STX18: variants seen among roughly 807,000 people sequenced by gnomAD.
STX18 encodes the protein syntaxin 18, also known as syntaxin-18.
A neutral mutation model predicts 50.1 loss-of-function variants in STX18; 40 were observed. The ratio of observed to expected loss-of-function variants is 0.80; its 90% CI spans 0.62 to 1.04. The LOEUF (loss-of-function observed/expected upper bound fraction) is 1.04, where lower values mean the gene tolerates loss of function less well. STX18 is among the 50% of genes least tolerant of loss of function. STX18 has a pLI of 0.00. For missense variants in STX18, 410 were observed against 415.8 expected, an observed-to-expected ratio of 0.99 and a Z score of 0.12; for synonymous variants, 158 against 151.8, an observed-to-expected ratio of 1.04 and a Z score of -0.30.
At chr4:4,471,773 T>A in intron 1 of STX18, 67 bp from the exon 2 acceptor site, 1 of 1,170,708 alleles carries the variant, frequency 8.5e-7, no homozygotes, top group Non-Finnish European at 1.2e-6. Flanking sequence ...AATTTTAAAT[T>A]AATAGAGAAT....
chr4:4,515,899 C>T (rs942560168), intron 1 of STX18, among the ~76,000 whole-genome samples: 2 of 151,962 alleles, frequency 1.3e-5, no homozygotes, highest in Non-Finnish European at 2.9e-5. Context: ...GTAAGTATTC[C>T]GAAAACAGCA....
intron 2 of STX18, chr4:4,462,060 C>G: frequency 2.2e-6 from 1 of 445,820 alleles, no homozygotes. Context: ...GGCCACCCGC[C>G]TGCAAACCAA....
intron 8 of STX18, among the ~76,000 whole-genome samples, chr4:4,424,514 G>T (rs1367625604): frequency 1.3e-5 from 2 of 152,154 alleles, no homozygotes; most frequent in Admixed American, 6.5e-5. Flanking sequence ...CATCTCTGAG[G>T]GCAGAAGGCG....
chr4:4,421,324 C>T (rs908619748), intron 9 of STX18, among the ~76,000 whole-genome samples: 5 of 146,514 alleles, frequency 3.4e-5, no homozygotes, highest in African/African-American at 7.5e-5. Context: ...AGGACTGAGA[C>T]TTTTTTTTTT....
chr4:4,510,541 T>C (rs1286923857), intron 1 of STX18, among the ~76,000 whole-genome samples: 1 of 152,222 alleles, frequency 6.6e-6, no homozygotes. Context: ...AGGAACGTTT[T>C]TACACTGTTG....
At chr4:4,540,135 T>C (rs770914487) in intron 1 of STX18, among the ~76,000 whole-genome samples, 1 of 152,078 alleles carries the variant, frequency 6.6e-6, no homozygotes, top group African/African-American at 2.4e-5. Context: ...AGGACCAAGG[T>C]AGTTTTTTAA....
intron 1 of STX18, among the ~76,000 whole-genome samples, chr4:4,491,429 AT>A (rs917233319): frequency 6.6e-6 from 1 of 152,166 alleles, no homozygotes; most frequent in African/African-American, 2.4e-5. Flanking sequence ...AAGGATATAT[AT>A]TAATTTCATT....
chr4:4,457,438 C>T lies in STX18; in HGVS notation c.415G>A (p.Glu139Lys). The T allele has an allele frequency of 6.2e-7, 1 of 1,613,578 alleles. No individual in the cohort carries two copies. The highest frequency in any genetic ancestry group is 8.5e-7 in the Non-Finnish European group (1 of 1,179,688). Residue 139 changes from glutamate (E) to lysine (K), a missense_variant, in exon 4 of 11, where the codon GAA (glutamate) becomes AAA (lysine). By Grantham distance (56) the Glu-to-Lys change is moderately conservative. Transcript: ENST00000306200. ...AATGAAATACTTTTCAAGTAATCTTCAATGAAATCCAAAACAGCGGTCCTG... is the reference window on the plus strand; with the variant it reads ...AATGAAATACTTTTCAAGTAATCTTTAATGAAATCCAAAACAGCGGTCCTG... ...EHRTAVLDFIEDYLKRVCKLY... is the reference protein window; with the variant it reads ...EHRTAVLDFIKDYLKRVCKLY...
At chr4:4,459,593 G>A (rs771592967) in intron 2 of STX18, 106 bp from the exon 3 acceptor site, 1 of 790,328 alleles carries the variant, frequency 1.3e-6, no homozygotes, top group South Asian at 1.6e-5. Flanking sequence ...TGACATTTAA[G>A]CTGAGACTTG....
At chr4:4,471,000 T>A (rs1727883397) in intron 2 of STX18, among the ~76,000 whole-genome samples, 1 of 152,138 alleles carries the variant, frequency 6.6e-6, no homozygotes, top group African/African-American at 2.4e-5. Context: ...CCAGAAGGAA[T>A]GTCAACATGA....
intron 5 of STX18, among the ~76,000 whole-genome samples, chr4:4,442,990 C>A (rs1372477174): frequency 6.6e-6 from 1 of 152,098 alleles, no homozygotes. Flanking sequence ...TATTTCTTGC[C>A]TACTGGGACT....
At position 4,489,391 on chromosome 4, in the gene STX18, A is replaced by ATTTTTTTT. The variant is rs34563523; in HGVS notation, c.169-17693_169-17686dup. On this transcript the variant is annotated intron_variant, in intron 1 of 10. Coordinates refer to ENST00000306200, the MANE Select transcript of STX18 (RefSeq NM_016930.4). The stretch of plus-strand genomic sequence containing the variant: ...AGCACTTCAATACACATGCAAAATA[A>ATTTTTTTT]TTTTTTTTTTTTTTTTTTTTTTTTT... Among the ~76,000 whole-genome samples, 236 of 51,684 alleles carry ATTTTTTTT rather than the reference A, an allele frequency of 4.6e-3. 59 individuals are homozygous for ATTTTTTTT. Among genetic ancestry groups the ATTTTTTTT allele is most frequent in the Non-Finnish European group, 6.4e-3 (171 of 26,650 alleles). The allele number at this position is 51,684 out of a possible 152,430, so 33.9% of individuals were successfully genotyped here.
chr4:4,450,686 G>A (rs1312819644), intron 5 of STX18, among the ~76,000 whole-genome samples: 1 of 152,048 alleles, frequency 6.6e-6, no homozygotes, highest in Non-Finnish European at 1.5e-5. Flanking sequence ...CTCCAGCACG[G>A]ATCAGTCCCT....
chr4:4,428,901 C>A (rs1725387236), intron 7 of STX18, among the ~76,000 whole-genome samples: 1 of 152,108 alleles, frequency 6.6e-6, no homozygotes, highest in Non-Finnish European at 1.5e-5. Context: ...AGGTGAGAGG[C>A]CTAGATGGTG....
intron 1 of STX18, among the ~76,000 whole-genome samples, chr4:4,500,585 A>C (rs1214926657): frequency 6.6e-6 from 1 of 152,214 alleles, no homozygotes; most frequent in Non-Finnish European, 1.5e-5. Flanking sequence ...TCCCCTGAGG[A>C]TACCAAGGGA....
intron 5 of STX18, among the ~76,000 whole-genome samples, chr4:4,439,499 T>C (rs1282383796): frequency 1.5e-5 from 2 of 130,352 alleles, no homozygotes; most frequent in Admixed American, 8.9e-5. Flanking sequence ...CACACTCATA[T>C]ATACCCCCAC....
intron 1 of STX18, among the ~76,000 whole-genome samples, chr4:4,485,568 C>T (rs1463824865): frequency 2.6e-5 from 4 of 152,196 alleles, no homozygotes; most frequent in South Asian, 4.2e-4. Context: ...ATGCTAGACT[C>T]GCAGGCAGTA....
chr4:4,499,592 T>C, intron 1 of STX18: 1 of 933,834 alleles, frequency 1.1e-6, no homozygotes, highest in Non-Finnish European at 1.3e-6. Context: ...ACTGACTGGC[T>C]TCTACACAAA....
intron 1 of STX18, among the ~76,000 whole-genome samples, chr4:4,516,453 T>C (rs1172875665): frequency 2.0e-5 from 3 of 152,168 alleles, no homozygotes; most frequent in Non-Finnish European, 4.4e-5. Context: ...GAAGTTGCAG[T>C]TTTGGAGGAA....
Sources: allele counts gnomAD v4.1 joint callset (sites outside exome capture counted in the v4.1 genomes callset), GRCh38; gene constraint gnomAD v4.1.1; transcripts MANE v1.5; gene names NCBI Gene and HGNC (gene_info 2026-07-23, HGNC 2026-07-21).